Variants in AGXT2 observed in about 807,000 individuals in gnomAD.
The protein encoded by AGXT2 is alanine--glyoxylate aminotransferase 2, mitochondrial.
AGXT2 carries 61 observed loss-of-function variants against 62.5 expected under a neutral mutation model. The observed-to-expected ratio is 0.98, with a 90% CI of 0.79 to 1.21. The LOEUF (loss-of-function observed/expected upper bound fraction) is 1.21, where lower values mean the gene tolerates loss of function less well. Among genes scored for constraint, AGXT2 ranks in the 50% most tolerant of loss-of-function variants. The pLI, the probability that AGXT2 is intolerant of heterozygous loss-of-function variation, is 0.00. For missense variants in AGXT2, 666 were observed against 641.5 expected, an observed-to-expected ratio of 1.04 and a Z score of -0.41; for synonymous variants, 243 against 218.7, an observed-to-expected ratio of 1.11 and a Z score of -0.98.
Position 34,998,708 on chromosome 5 carries a change from T to A in AGXT2, c.*11A>T. 1 of 1,602,124 alleles carries A rather than the reference T, an allele frequency of 6.2e-7. No homozygotes were observed. The highest frequency in any genetic ancestry group is 8.6e-7 in the Non-Finnish European group (1 of 1,169,492). On this transcript the variant is annotated 3_prime_UTR_variant, in exon 14 of 14. Coordinates refer to ENST00000231420, the MANE Select transcript of AGXT2 (RefSeq NM_031900.4). ...TCTTGAGACTTGTGGTTTTATTTATTTCTGACAATGTTACTTAGCTCTTCT... is the reference window on the plus strand; with the variant it reads ...TCTTGAGACTTGTGGTTTTATTTATATCTGACAATGTTACTTAGCTCTTCT...
intron 10 of AGXT2, 24 bp from the exon 11 acceptor site, chr5:35,013,069 T>C: frequency 1.3e-6 from 2 of 1,544,852 alleles, no homozygotes; most frequent in Non-Finnish European, 1.8e-6. Flanking sequence ...ATAGAAGGTG[T>C]GGAAAGAGGG....
intron 12 of AGXT2, among the ~76,000 whole-genome samples, chr5:35,008,218 T>C (rs1766506717): frequency 6.6e-6 from 1 of 152,200 alleles, no homozygotes; most frequent in Non-Finnish European, 1.5e-5. Context: ...TATTTCCATG[T>C]CAAATATATA....
At chr5:35,011,442 A>AGAG (rs1201972915) in intron 11 of AGXT2, among the ~76,000 whole-genome samples, 2 of 146,152 alleles carry the variant, frequency 1.4e-5, no homozygotes, top group Non-Finnish European at 3.0e-5. Flanking sequence ...TCTGGGTGAC[A>AGAG]GAGCAAGACT....
intron 9 of AGXT2, among the ~76,000 whole-genome samples, chr5:35,017,747 A>G (rs1172740287): frequency 4.6e-5 from 7 of 152,258 alleles, no homozygotes; most frequent in African/African-American, 1.7e-4. Context: ...AGTTGAGAGA[A>G]GAAGGCTTCA....
intron 8 of AGXT2, chr5:35,026,208 T>G: frequency 3.2e-6 from 2 of 623,042 alleles, no homozygotes; most frequent in Non-Finnish European, 5.6e-6. Context: ...TAGTTTCATC[T>G]GTCTGGTGAG....
chr5:35,032,621 T>C, intron 7 of AGXT2, 111 bp downstream of exon 7: 1 of 1,060,206 alleles, frequency 9.4e-7, no homozygotes, highest in African/African-American at 1.6e-5. Flanking sequence ...CTCTGGCTTT[T>C]CCCTTTTCCA....
Position 35,002,781 on chromosome 5 carries a change from G to GGT in AGXT2, c.1437+981_1437+982insAC, listed in dbSNP as rs1554032865. ...GGCGCTTTGTGATAGCAGGCTGGGGGGGGGGACTAACACGGGAGGAAAGAA... is the reference window on the plus strand; with the variant it reads ...GGCGCTTTGTGATAGCAGGCTGGGGGGTGGGGGACTAACACGGGAGGAAAGAA... On this transcript the variant is annotated intron_variant, in intron 13 of 13. Transcript: ENST00000231420. Among the ~76,000 whole-genome samples, 14 of 72,758 alleles carry GGT rather than the reference G, an allele frequency of 1.9e-4. No individual in the cohort carries two copies. The East Asian group carries it at 8.2e-3, about 43-fold the overall frequency. The allele number at this position is 72,758 out of a possible 152,430, so 47.7% of individuals were successfully genotyped here. A position where few individuals can be genotyped will look rare whatever the true frequency, so the allele number is the denominator to read the frequency against.
At chr5:35,045,387 G>T (rs949027332) in intron 1 of AGXT2, among the ~76,000 whole-genome samples, 2 of 151,942 alleles carry the variant, frequency 1.3e-5, no homozygotes, top group Non-Finnish European at 2.9e-5. Context: ...TTCATGGCAT[G>T]TGTCTCTATT....
chr5:35,047,528 A>T (rs1768286349), intron 1 of AGXT2, among the ~76,000 whole-genome samples: 1 of 152,186 alleles, frequency 6.6e-6, no homozygotes, highest in Non-Finnish European at 1.5e-5. Context: ...GTTTTTAAAA[A>T]TATTGAAGCT....
chr5:35,020,673 A>G lies in AGXT2; in HGVS notation c.963+5090T>C, dbSNP rs188272891. The stretch of plus-strand genomic sequence containing the variant: ...CTTTGAAAACTGGCATAAGACAGGG[A>G]TGCCCTCGCTCACCACTCCTATTCA... On this transcript the variant is annotated intron_variant, in intron 9 of 13. Transcript: ENST00000231420. Among the ~76,000 whole-genome samples the G allele has an allele frequency of 4.0e-3, 603 of 152,354 alleles. 3 individuals are homozygous for G. Among genetic ancestry groups the G allele is most frequent in the African/African-American group, 0.014 (583 of 41,574 alleles).
At chr5:35,047,572 C>T (rs967653627) in intron 1 of AGXT2, among the ~76,000 whole-genome samples, 6 of 152,114 alleles carry the variant, frequency 3.9e-5, no homozygotes, top group Non-Finnish European at 7.4e-5. Context: ...TGTGTATAGT[C>T]GGGTTTCATT....
At chr5:35,004,326 A>T (rs1017858714) in intron 12 of AGXT2, among the ~76,000 whole-genome samples, 14 of 152,248 alleles carry the variant, frequency 9.2e-5, no homozygotes, top group African/African-American at 3.4e-4. Context: ...TTCCCTGGGC[A>T]GCGCAGTGGG....
At chr5:35,022,978 C>G (rs1767170415) in intron 9 of AGXT2, among the ~76,000 whole-genome samples, 1 of 151,222 alleles carries the variant, frequency 6.6e-6, no homozygotes, top group Non-Finnish European at 1.5e-5. Context: ...ATTTCAATCA[C>G]TGGCTCCTAA....
In AGXT2 at chr5:35,014,028, A is replaced by C; in HGVS notation, c.1055T>G (p.Ile352Ser). The change falls in exon 10 of 14, where the codon ATT becomes AGT. Residue 352 changes from isoleucine (I) to serine (S), a missense_variant. Physicochemically the swap from Ile to Ser is moderately radical, Grantham distance 142. Transcript: ENST00000231420. Reference protein sequence around the residue: ...LPDIVTMAKGIGNGFPMAAVI... With the variant: ...LPDIVTMAKGSGNGFPMAAVI... ...TGCTGCCATGGGAAAGCCATTCCCA[A>C]TCCCTTTAGCCATGGTGACAATGTC... The C allele has an allele frequency of 6.2e-7, 1 of 1,614,136 alleles. No individual in the cohort carries two copies. Among genetic ancestry groups the C allele is most frequent in the Non-Finnish European group, 8.5e-7 (1 of 1,180,028 alleles).
intron 4 of AGXT2, among the ~76,000 whole-genome samples, chr5:35,035,871 G>A (rs1767746871): frequency 6.6e-6 from 1 of 152,196 alleles, no homozygotes; most frequent in African/African-American, 2.4e-5. Flanking sequence ...GAGGTCAGGA[G>A]TTTGAGATCA....
chr5:35,014,713 G>C (rs140260884), intron 9 of AGXT2, among the ~76,000 whole-genome samples: 8 of 152,216 alleles, frequency 5.3e-5, no homozygotes, highest in African/African-American at 1.9e-4. Context: ...TATGTCACAG[G>C]CTCCATGAGG....
At chr5:35,028,897 A>G (rs181336330) in intron 7 of AGXT2, among the ~76,000 whole-genome samples, 1 of 152,328 alleles carries the variant, frequency 6.6e-6, no homozygotes, top group East Asian at 1.9e-4. Context: ...TGCTGTCTCC[A>G]CGGTGCTAGA....
In AGXT2 at chr5:35,035,122, A is replaced by G. The variant is rs1382018441; in HGVS notation, c.581+100T>C. 4.8e-6 allele frequency: 5 copies of G among 1,044,522 alleles called. No individual in the cohort carries two copies. In the East Asian group the frequency reaches 1.2e-4, roughly 25 times the overall value. 64.7% of individuals were successfully genotyped at this position (1,044,522 alleles called of 1,614,324 possible). On this transcript the variant is annotated intron_variant, in intron 5 of 13. Transcript: ENST00000231420. ...CTTAACAACTAGAAAAATATCCCTG[A>G]GAAAACCTCTCTCCCACTCCATGCT...
intron 1 of AGXT2, among the ~76,000 whole-genome samples, chr5:35,045,772 T>TC (rs1768173829): frequency 8.1e-6 from 1 of 123,002 alleles, no homozygotes; most frequent in Non-Finnish European, 1.8e-5. Context: ...TTCTTTTTTT[T>TC]TTTTTTTTTT....
Sources: allele counts gnomAD v4.1 joint callset (sites outside exome capture counted in the v4.1 genomes callset), GRCh38; gene constraint gnomAD v4.1.1; transcripts MANE v1.5; gene names NCBI Gene and HGNC (gene_info 2026-07-23, HGNC 2026-07-21).